The following MBNL3 variants were observed in gnomAD, a reference collection of about 807,000 sequenced individuals.
MBNL3 encodes the protein muscleblind-like protein 3.
MBNL3 carries 6 observed loss-of-function variants against 24.5 expected under a neutral mutation model. The observed-to-expected ratio is 0.25, with a 90% CI of 0.13 to 0.48. The LOEUF is 0.48. Among genes scored for constraint, MBNL3 ranks in the 20% least tolerant of loss-of-function variants. MBNL3 has a pLI of 0.99. For synonymous variants in MBNL3, 100 were observed against 101.7 expected, an observed-to-expected ratio of 0.98 and a Z score of 0.10; for missense variants, 230 against 293.5, an observed-to-expected ratio of 0.78 and a Z score of 1.58.
chrX:132,386,959 A>G (rs999457333), intron 5 of MBNL3, 148 bp from the exon 6 acceptor site: 4 of 620,216 alleles, frequency 6.4e-6, no homozygotes, highest in Non-Finnish European at 9.9e-6. Flanking sequence ...CCCCACAGCA[A>G]GGTAACCAAA....
At chrX:132,416,526 A>G in intron 2 of MBNL3, among the ~76,000 whole-genome samples, 1 of 111,634 alleles carries the variant, frequency 9.0e-6, no homozygotes, top group Non-Finnish European at 1.9e-5. Context: ...CAGTAGCACA[A>G]TAGGGTGACT....
In MBNL3 at chrX:132,395,237, T is replaced by A. The variant is rs184220842; in HGVS notation, c.343-2903A>T. Among the ~76,000 whole-genome samples, 12 of 111,564 alleles carry A rather than the reference T, an allele frequency of 1.1e-4. No homozygotes were observed. In the East Asian group the frequency reaches 2.8e-3, roughly 26 times the overall value. On this transcript the variant is annotated intron_variant, in intron 3 of 8. Transcript: ENST00000370853. ...TTAGCGTTGACTAACAGCCATGGGT[T>A]AAGTCAAGCAGCCTGCAAGCTCAGA...
chrX:132,383,050 A>G (rs767542184), intron 7 of MBNL3, among the ~76,000 whole-genome samples: 34 of 112,357 alleles, frequency 3.0e-4, no homozygotes, highest in Non-Finnish European at 5.4e-4. Context: ...TCTAGTTTCT[A>G]TCTCATTTAG....
At chrX:132,399,092 A>C (rs781362356) in intron 3 of MBNL3, among the ~76,000 whole-genome samples, 16 of 111,821 alleles carry the variant, frequency 1.4e-4, no homozygotes, top group Non-Finnish European at 2.8e-4. Flanking sequence ...ATTCAATAAA[A>C]AGGGATTCCT....
rs775431838 is a variant in MBNL3, at chrX:132,413,411, G to T, written c.178-7019C>A. 700 of 948,270 alleles carry T rather than the reference G, an allele frequency of 7.4e-4. 2 individuals carry two copies. In the Middle Eastern group the frequency reaches 0.016, roughly 22 times the overall value. 78.1% of individuals were successfully genotyped at this position (948,270 alleles called of 1,213,427 possible). A position where few individuals can be genotyped will look rare whatever the true frequency, so the allele number is the denominator to read the frequency against. Reference sequence around the variant, plus strand: ...ATATGTTATCTGGCAGCCCTCTCCCGCTCTGTTCTTCTGCCTTGATAAGTT... The same window carrying T: ...ATATGTTATCTGGCAGCCCTCTCCCTCTCTGTTCTTCTGCCTTGATAAGTT... On this transcript the variant is annotated intron_variant, in intron 2 of 8. Transcript: ENST00000370853.
chrX:132,420,247 T>C lies in MBNL3; in HGVS notation c.178-13855A>G, dbSNP rs1188755364. On this transcript the variant is annotated intron_variant, in intron 2 of 8. Coordinates refer to ENST00000370853, the MANE Select transcript of MBNL3 (RefSeq NM_001386889.1). ...CCATGCAGGAACAATGGCAAGCCTT[T>C]AGCCCGATCGGGAGCGGCAATGGGT... 3.6e-5 allele frequency among the ~76,000 whole-genome samples: 4 copies of C among 112,089 alleles called. No individual in the cohort carries two copies. The East Asian group carries it at 1.1e-3, about 32-fold the overall frequency.
chrX:132,392,223 G>T lies in MBNL3; in HGVS notation c.454C>A (p.Pro152Thr), dbSNP rs1435059300. 2 of 1,210,734 alleles carry T rather than the reference G, an allele frequency of 1.7e-6. No homozygotes were observed. Among genetic ancestry groups the T allele is most frequent in the Admixed American group, 4.4e-5 (2 of 45,944 alleles). ...GGTGGGTTTCCAGGAATCAGAACAGGTGTATTTGGTACAAGTTCTGCAGGA... is the reference window on the plus strand; with the variant it reads ...GGTGGGTTTCCAGGAATCAGAACAGTTGTATTTGGTACAAGTTCTGCAGGA... ...LVPAELVPNT[P>T]VLIPGNPPLA... Residue 152 changes from proline (P) to threonine (T), a missense_variant, in exon 4 of 9, where the codon CCT becomes ACT. Transcript: ENST00000370853.
intron 2 of MBNL3, among the ~76,000 whole-genome samples, chrX:132,419,742 A>G (rs1488110404): frequency 1.8e-5 from 2 of 112,074 alleles, no homozygotes; most frequent in African/African-American, 6.5e-5. Context: ...CAGTGCTTCA[A>G]ATGTACAAGT....
chrX:132,477,445 T>C (rs1194132847), intron 1 of MBNL3, among the ~76,000 whole-genome samples: 1 of 111,894 alleles, frequency 8.9e-6, no homozygotes, highest in Non-Finnish European at 1.9e-5. Flanking sequence ...GAAGCAACAG[T>C]GCTTTAAGGC....
intron 2 of MBNL3, among the ~76,000 whole-genome samples, chrX:132,436,892 C>T (rs1945145475): frequency 8.9e-6 from 1 of 111,816 alleles, no homozygotes; most frequent in Non-Finnish European, 1.9e-5. Flanking sequence ...TTATGTAAAT[C>T]ATCTTTACCC....
chrX:132,389,173 G>A (rs765771174), intron 5 of MBNL3, among the ~76,000 whole-genome samples: 2 of 112,198 alleles, frequency 1.8e-5, no homozygotes, highest in East Asian at 5.6e-4. Context: ...AAAGAATTTG[G>A]TAAAGTCTTT....
intron 1 of MBNL3, among the ~76,000 whole-genome samples, chrX:132,449,907 T>A (rs1321547388): frequency 9.2e-6 from 1 of 108,822 alleles, no homozygotes; most frequent in Non-Finnish European, 1.9e-5. Flanking sequence ...CTCCTTCATT[T>A]ATGAAGCTTA....
intron 8 of MBNL3, among the ~76,000 whole-genome samples, chrX:132,380,759 T>A (rs143725858): frequency 3.6e-5 from 4 of 110,668 alleles, no homozygotes; most frequent in African/African-American, 1.3e-4. Flanking sequence ...AGAAATCACA[T>A]GTTCTTAAGT....
rs749939229 is a variant in MBNL3 at position 132,394,213 on chromosome X, T to C, written c.343-1879A>G. Among the ~76,000 whole-genome samples the C allele has an allele frequency of 1.3e-3, 146 of 111,457 alleles. 2 individuals are homozygous for C. The highest frequency in any genetic ancestry group is 1.8e-3 in the Non-Finnish European group (95 of 53,044). On this transcript the variant is annotated intron_variant, in intron 3 of 8. Transcript: ENST00000370853. ...AAGGACTCTAAAGTCTGGGGGCAAA[T>C]AGCCAAGGGCTGACCCAGTCTAACT...
At chrX:132,428,397 T>C (rs754259689) in intron 2 of MBNL3, among the ~76,000 whole-genome samples, 7 of 109,780 alleles carry the variant, frequency 6.4e-5, no homozygotes, top group Non-Finnish European at 1.3e-4. Flanking sequence ...AAATGTGAGA[T>C]AAACTTGTAA....
intron 2 of MBNL3, among the ~76,000 whole-genome samples, chrX:132,427,712 T>G (rs1423894530): frequency 8.9e-6 from 1 of 111,821 alleles, no homozygotes; most frequent in African/African-American, 3.2e-5. Context: ...TGTATTTAGA[T>G]GCATATAAAA....
At chrX:132,478,068 GC>G (rs1413360126) in intron 1 of MBNL3, among the ~76,000 whole-genome samples, 2 of 111,164 alleles carry the variant, frequency 1.8e-5, no homozygotes, top group African/African-American at 6.5e-5. Context: ...CAATTTTTGA[GC>G]CCTTTAACTT....
At chrX:132,420,347 G>A (rs756789877) in intron 2 of MBNL3, among the ~76,000 whole-genome samples, 1 of 111,224 alleles carries the variant, frequency 9.0e-6, no homozygotes, top group Non-Finnish European at 1.9e-5. Context: ...GGTCTGCGAC[G>A]GCGGCAAACA....
At chrX:132,476,837 C>T (rs1161939920) in intron 1 of MBNL3, among the ~76,000 whole-genome samples, 1 of 111,357 alleles carries the variant, frequency 9.0e-6, no homozygotes, top group Admixed American at 9.6e-5. Context: ...GTAGCTGACA[C>T]CCAAAACAAT....
Sources: allele counts gnomAD v4.1 joint callset (sites outside exome capture counted in the v4.1 genomes callset), GRCh38; gene constraint gnomAD v4.1.1; transcripts MANE v1.5; gene names NCBI Gene and HGNC (gene_info 2026-07-23, HGNC 2026-07-21).